Variants in ZNF236 observed in about 807,000 individuals in gnomAD.
ZNF236 encodes the protein regulated by glucose.
In ZNF236, 50 loss-of-function variants were observed where a neutral mutation model predicts 191.2. The observed-to-expected ratio is 0.26, with a 90% CI of 0.21 to 0.33. The LOEUF is 0.33. Among genes scored for constraint, ZNF236 ranks in the 10% least tolerant of loss-of-function variants. ZNF236 has a pLI of 1.00. For missense variants in ZNF236, 1,754 were observed against 2,374.5 expected (o/e 0.74, Z 5.43); for synonymous variants, 907 against 928.8 (o/e 0.98, Z 0.43).
At chr18:76,907,029 G>A (rs145485899) in intron 13 of ZNF236, among the ~76,000 whole-genome samples, 6 of 152,236 alleles carry the variant, frequency 3.9e-5, no homozygotes, top group African/African-American at 1.4e-4. Context: ...AGACACACAT[G>A]TGCTTAGGTT....
intron 21 of ZNF236, among the ~76,000 whole-genome samples, chr18:76,924,488 C>G (rs1240814272): frequency 6.6e-6 from 1 of 152,116 alleles, no homozygotes; most frequent in Non-Finnish European, 1.5e-5. Context: ...TCGGTGGATC[C>G]TAGTGTGCAC....
intron 1 of ZNF236, among the ~76,000 whole-genome samples, chr18:76,828,969 A>T (rs6565920): frequency 0.95 from 144,144 of 152,276 alleles, 68,293 homozygotes; most frequent in Middle Eastern, 0.96. Flanking sequence ...GTCTTTAGTA[A>T]TTTGAAGGAA....
chr18:76,947,279 G>A lies in ZNF236; in HGVS notation c.4783-242G>A, dbSNP rs79232723. Among the ~76,000 whole-genome samples, 1,203 of 152,036 alleles carry A rather than the reference G, an allele frequency of 7.9e-3. 13 individuals are homozygous for A. Among genetic ancestry groups the A allele is most frequent in the African/African-American group, 0.027 (1,132 of 41,456 alleles). On this transcript the variant is annotated intron_variant, in intron 26 of 30. Transcript: ENST00000320610. Reference sequence around the variant, plus strand: ...CCACATTTTCATTTGTGCATTTATCGGTTGATGGGCATTTGGGCTGTTTCC... The same window carrying A: ...CCACATTTTCATTTGTGCATTTATCAGTTGATGGGCATTTGGGCTGTTTCC...
chr18:76,927,254 C>A lies in ZNF236; in HGVS notation c.4174-23C>A. 1 of 1,612,932 alleles carries A rather than the reference C, an allele frequency of 6.2e-7. No homozygotes were observed. The highest frequency in any genetic ancestry group is 8.5e-7 in the Non-Finnish European group (1 of 1,178,988). ...ACAGAGAAGCATGAAGTTTTCATTACAAGTACCTGTGCTGCTTTTCAGATT... is the reference window on the plus strand; with the variant it reads ...ACAGAGAAGCATGAAGTTTTCATTAAAAGTACCTGTGCTGCTTTTCAGATT... On this transcript the variant is annotated intron_variant, in intron 23 of 30. Transcript: ENST00000320610. This position sits in a 1 kb window ranked among gnomAD's most constrained non-coding sequence, Gnocchi z 5.4.
rs933268956 is a variant in ZNF236 at position 76,970,098 on chromosome 18, T to C, written c.*1759T>C. On this transcript the variant is annotated 3_prime_UTR_variant, in exon 31 of 31. Transcript: ENST00000320610. ...TGCTAGAGTTTTAAAGGTTCTGCTT[T>C]TAATGCACTTTTTATTTTATAATTT... 1 of 152,668 alleles carries C rather than the reference T, an allele frequency of 6.6e-6. No individual in the cohort carries two copies. Among genetic ancestry groups the C allele is most frequent in the Admixed American group, 6.5e-5 (1 of 15,278 alleles). 9.5% of individuals were successfully genotyped at this position (152,668 alleles called of 1,614,324 possible).
At chr18:76,958,180 G>A (rs1028574502) in intron 28 of ZNF236, among the ~76,000 whole-genome samples, 1 of 152,202 alleles carries the variant, frequency 6.6e-6, no homozygotes. Flanking sequence ...GTGTGTTGCA[G>A]TAAGAACGGT....
At chr18:76,912,160 A>C in intron 16 of ZNF236, 84 bp from the exon 17 acceptor site, 1 of 986,532 alleles carries the variant, frequency 1.0e-6, no homozygotes. Flanking sequence ...GAATGTTCTT[A>C]TCCTTAGTTC....
intron 30 of ZNF236, among the ~76,000 whole-genome samples, chr18:76,967,312 T>G (rs61248720): frequency 0.01 from 9 of 896 alleles, 1 homozygote; most frequent in African/African-American, 0.014. Flanking sequence ...TGTGAGATTT[T>G]TGTTTTGTTG....
chr18:76,929,389 C>T (rs1423148622), intron 25 of ZNF236, among the ~76,000 whole-genome samples: 2 of 152,022 alleles, frequency 1.3e-5, no homozygotes, highest in African/African-American at 2.4e-5. Context: ...AGAAGAGTTA[C>T]AATATTTTAG....
At chr18:76,934,094 C>G (rs773339605) in intron 25 of ZNF236, among the ~76,000 whole-genome samples, 2 of 152,180 alleles carry the variant, frequency 1.3e-5, no homozygotes, top group African/African-American at 2.4e-5. Context: ...TTTTGATTCT[C>G]TATGCAAGCA....
rs1229542338 is a variant in ZNF236 at position 76,971,370 on chromosome 18, G to C, written c.*3031G>C. ...GAGGAAATGCTATGACATGGCATCTGACAGCTTGCAGCCAGGTCAGTGGGA... is the reference window on the plus strand; with the variant it reads ...GAGGAAATGCTATGACATGGCATCTCACAGCTTGCAGCCAGGTCAGTGGGA... On this transcript the variant is annotated 3_prime_UTR_variant, in exon 31 of 31. Coordinates refer to ENST00000320610, the MANE Select transcript of ZNF236 (RefSeq NM_001306089.2). Among the ~76,000 whole-genome samples the C allele has an allele frequency of 6.6e-6, 1 of 152,202 alleles. No homozygotes were observed. Among genetic ancestry groups the C allele is most frequent in the Non-Finnish European group, 1.5e-5 (1 of 68,042 alleles).
In ZNF236 at chr18:76,838,037, C is replaced by T. The variant is rs546805867; in HGVS notation, c.56-11489C>T. ...TACATGTCATATTTAGAAGACATTG[C>T]ACATTTTTAGGAAATACATACCTTT... is the stretch of plus-strand genomic sequence containing the variant. On this transcript the variant is annotated intron_variant, in intron 1 of 30. Coordinates refer to ENST00000320610, the MANE Select transcript of ZNF236 (RefSeq NM_001306089.2). Among the ~76,000 whole-genome samples, 2 of 152,318 alleles carry T rather than the reference C, an allele frequency of 1.3e-5. 1 individual carries two copies. The highest frequency in any genetic ancestry group is 4.1e-4 in the South Asian group (2 of 4,826).
At position 76,925,521 on chromosome 18, in the gene ZNF236, G is replaced by A; in HGVS notation, c.3994G>A (p.Val1332Met). 6.2e-7 allele frequency: 1 copy of A among 1,613,824 alleles called. No individual in the cohort carries two copies. Among genetic ancestry groups the A allele is most frequent in the South Asian group, 1.1e-5 (1 of 91,078 alleles). ...TCAGAATCTGCTGCAACCAGGACTGGTGGGCCAAGCTATTCTCCCTGCCTC... is the reference window on the plus strand; with the variant it reads ...TCAGAATCTGCTGCAACCAGGACTGATGGGCCAAGCTATTCTCCCTGCCTC... ...FDQNLLQPGL[V>M]GQAILPASVS... The change falls in exon 22 of 31, where the codon GTG becomes ATG. Residue 1332 changes from valine (V) to methionine (M), a missense_variant. Val to Met is a conservative substitution (Grantham distance 21). This residue lies in a region of ZNF236 where 606 missense variants were observed against 761.5 expected (regional missense o/e 0.80). Transcript: ENST00000320610. The surrounding 1 kb of genome is among the most constrained non-coding windows in gnomAD (Gnocchi z 5.7).
At chr18:76,834,713 C>A in intron 1 of ZNF236, 1 of 438,852 alleles carries the variant, frequency 2.3e-6, no homozygotes, top group South Asian at 1.9e-5. Context: ...TTTATAGTGT[C>A]CTCATACAAC....
At chr18:76,901,876 G>A (rs958851399) in intron 11 of ZNF236, among the ~76,000 whole-genome samples, 2 of 152,186 alleles carry the variant, frequency 1.3e-5, no homozygotes, top group Non-Finnish European at 2.9e-5. Flanking sequence ...CCCCATGGTA[G>A]CGTAGAATAC....
rs1342522160 is a variant in ZNF236, at chr18:76,871,682, C to T, written c.543-19C>T. The T allele has an allele frequency of 1.2e-6, 2 of 1,613,234 alleles. No homozygotes were observed. The highest frequency in any genetic ancestry group is 1.3e-5 in the African/African-American group (1 of 74,890). The stretch of plus-strand genomic sequence containing the variant: ...GGGAGACATCTTACTGTGTATTTTG[C>T]CCCCCTTTATTACACTAGGGTATCA... On this transcript the variant is annotated intron_variant, in intron 4 of 30. Coordinates refer to ENST00000320610, the MANE Select transcript of ZNF236 (RefSeq NM_001306089.2).
chr18:76,854,450 T>C (rs1343677130), intron 3 of ZNF236, among the ~76,000 whole-genome samples: 1 of 152,082 alleles, frequency 6.6e-6, no homozygotes, highest in Non-Finnish European at 1.5e-5. Flanking sequence ...CAAATATTAA[T>C]ATTTTAAATT....
At chr18:76,910,920 C>T (rs1967201984) in intron 16 of ZNF236, 109 bp downstream of exon 16, 2 of 1,232,100 alleles carry the variant, frequency 1.6e-6, no homozygotes, top group Non-Finnish European at 2.3e-6. Flanking sequence ...GAGGCATGCT[C>T]ACTTCTTGTA....
Position 76,915,657 on chromosome 18 carries a change from G to C in ZNF236, c.3072G>C (p.Ala1024=), listed in dbSNP as rs34208338. The C allele has an allele frequency of 2.5e-6, 4 of 1,613,720 alleles. No homozygotes were observed. Among genetic ancestry groups the C allele is most frequent in the Non-Finnish European group, 3.4e-6 (4 of 1,180,008 alleles). ...SHEKTHTGVK[A]FSCSVCNASF... ...TTTCTGTGCTTGCAGGAGTGAAGGC[G>C]TTCAGCTGCAGTGTGTGCAATGCTT... Residue 1024 remains alanine, a synonymous_variant, in exon 19 of 31, where the codon GCG becomes GCC. Transcript: ENST00000320610.
Sources: gnomAD v4.1 joint callset for allele counts (sites outside exome capture counted in the v4.1 genomes callset) on GRCh38, gnomAD v4.1.1 for gene constraint, gnomAD v4.1.1 regional missense constraint, Gnocchi (gnomAD v3.1) non-coding constraint, MANE v1.5 for transcripts, NCBI Gene and HGNC (gene_info 2026-07-23, HGNC 2026-07-21) for gene names.